PDIA6: variants seen among roughly 807,000 people sequenced by gnomAD.
PDIA6 encodes protein disulfide-isomerase A6.
A neutral mutation model predicts 58.4 loss-of-function variants in PDIA6; 29 were observed. The observed-to-expected ratio is 0.50, with a 90% CI of 0.37 to 0.68. The LOEUF (loss-of-function observed/expected upper bound fraction) is 0.68, where lower values mean the gene tolerates loss of function less well. PDIA6 is among the 30% of genes least tolerant of loss of function. The probability of loss-of-function intolerance (pLI) is 0.00; values close to 1 mark genes in which losing one functional copy is unlikely to be tolerated. For missense variants in PDIA6, 480 were observed against 551.0 expected, an observed-to-expected ratio of 0.87 and a Z score of 1.29; for synonymous variants, 192 against 202.6, an observed-to-expected ratio of 0.95 and a Z score of 0.44.
chr2:10,810,124 T>C, intron 1 of PDIA6: 1 of 657,902 alleles, frequency 1.5e-6, no homozygotes, highest in South Asian at 1.7e-5. Context: ...TGACTCTGTA[T>C]CAGGCATTTT....
At chr2:10,791,069 A>T (rs893756498) in intron 6 of PDIA6, among the ~76,000 whole-genome samples, 1 of 150,492 alleles carries the variant, frequency 6.6e-6, no homozygotes, top group Non-Finnish European at 1.5e-5. Context: ...CTGGTCTCAA[A>T]CTCCTGGCCT....
intron 1 of PDIA6, among the ~76,000 whole-genome samples, chr2:10,812,352 AC>A (rs1667032413): frequency 6.6e-6 from 1 of 151,650 alleles, no homozygotes; most frequent in South Asian, 2.1e-4. Flanking sequence ...CTCCGGGAAT[AC>A]AGACCCCCTC....
chr2:10,837,555 C>T (rs1667853243), exon 1 of PDIA6: 3 of 750,638 alleles, frequency 4.0e-6, no homozygotes, highest in African/African-American at 3.4e-5. Flanking sequence ...GTATCATCAA[C>T]TCATTTGATC....
chr2:10,806,650 A>AAAGAAAGAAAGGAAGAAAGAAAG (rs1553339954), intron 1 of PDIA6, among the ~76,000 whole-genome samples: 1 of 62,924 alleles, frequency 1.6e-5, no homozygotes, highest in Non-Finnish European at 4.5e-5. Flanking sequence ...AAGAAAGAAA[A>AAAGAAAGAAAGGAAGAAAGAAAG]ACGTTACAGT....
At chr2:10,836,511 C>T (rs1667835109), upstream of PDIA6, among the ~76,000 whole-genome samples, 1 of 150,942 alleles carries the variant, frequency 6.6e-6, no homozygotes, top group Admixed American at 6.6e-5. Flanking sequence ...CTGTGCCCGG[C>T]CTTCTGTGGT....
chr2:10,785,028 TCCCTTAGGG>T lies in PDIA6; in HGVS notation c.1158-7_1159del. The T allele has an allele frequency of 6.4e-7, 1 of 1,571,064 alleles. No individual in the cohort carries two copies. On this transcript the variant is annotated splice_acceptor_variant and splice_polypyrimidine_tract_variant and coding_sequence_variant and intron_variant, in exon 12 of 13. Coordinates refer to ENST00000272227, the MANE Select transcript of PDIA6 (RefSeq NM_005742.4). LOFTEE classifies it high-confidence loss of function. ...CGTGGAGCCACGCCCAAAAGAGAGC[TCCCTTAGGG>T]AAAAATGACCAAAACACACACACAC... is the stretch of plus-strand genomic sequence containing the variant.
rs1361616175 is a variant in PDIA6, at chr2:10,793,098, G to C, written c.451C>G (p.Gln151Glu). 2.5e-6 allele frequency: 4 copies of C among 1,606,294 alleles called. No individual in the cohort carries two copies. The East Asian group carries it at 6.7e-5, about 27-fold the overall frequency. Residue 151 changes from glutamine to glutamate, a missense_variant and splice_region_variant, in exon 5 of 13, where the codon CAA becomes GAA. Transcript: ENST00000272227. ...AAACTGACATTTTATGGTCTTACTT[G>C]TTTTCCAGAACTGTATCCTCCGCTC... ...GRSGGYSSGKQGRSDSSSKKD... is the reference protein window; with the variant it reads ...GRSGGYSSGKEGRSDSSSKKD...
chr2:10,790,737 A>G lies in PDIA6; in HGVS notation c.681T>C (p.Val227=), dbSNP rs1295954766. ...LAAVDATVNQ[V]LASRYGIRGF... ...TACTCACCCCGTATCGGGAGGCCAG[A>G]ACCTGATTGACTGTAGCATCCACAG... The change falls in exon 7 of 13, where the codon GTT becomes GTC. Residue 227 remains valine, a synonymous_variant. Transcript: ENST00000272227. 3 of 1,613,286 alleles carry G rather than the reference A, an allele frequency of 1.9e-6. No individual in the cohort carries two copies. The highest frequency in any genetic ancestry group is 2.5e-6 in the Non-Finnish European group (3 of 1,179,180).
intron 2 of PDIA6, among the ~76,000 whole-genome samples, chr2:10,818,516 TTATTTATTTATTTATTTA>T (rs1338828882): frequency 3.1e-4 from 40 of 129,954 alleles, no homozygotes; most frequent in Non-Finnish European, 4.8e-4. Context: ...ATTTATTTAT[TTATTTATTTATTTATTTA>T]TTTTGAGATG....
At chr2:10,803,893 T>C (rs1370098370) in intron 1 of PDIA6, among the ~76,000 whole-genome samples, 2 of 149,158 alleles carry the variant, frequency 1.3e-5, no homozygotes, top group Non-Finnish European at 3.0e-5. Context: ...ATGTGCGTGT[T>C]TGTGTCCTAG....
At chr2:10,814,534 C>T (rs1031552578), upstream of PDIA6, among the ~76,000 whole-genome samples, 3 of 152,208 alleles carry the variant, frequency 2.0e-5, no homozygotes, top group Non-Finnish European at 2.9e-5. Context: ...GCAATGAATG[C>T]TGTTTGTTTT....
intron 1 of PDIA6, among the ~76,000 whole-genome samples, chr2:10,803,902 A>G (rs1200074019): frequency 9.4e-6 from 1 of 106,754 alleles, no homozygotes; most frequent in Non-Finnish European, 2.2e-5. Flanking sequence ...TTTGTGTCCT[A>G]GTTTTTGTGT....
At chr2:10,818,851 T>C (rs751579582) in intron 2 of PDIA6, among the ~76,000 whole-genome samples, 3 of 152,124 alleles carry the variant, frequency 2.0e-5, no homozygotes, top group Non-Finnish European at 2.9e-5. Flanking sequence ...TACAGTTCCA[T>C]GGCATTAAAT....
intron 10 of PDIA6, 96 bp downstream of exon 10, chr2:10,788,601 T>G (rs1448271747): frequency 1.2e-6 from 1 of 826,836 alleles, no homozygotes; most frequent in Non-Finnish European, 2.1e-6. Context: ...AGAGCAAACA[T>G]AGAACACAGC....
rs754643092 is a variant in PDIA6 at position 10,803,911 on chromosome 2, G to GTTTTTTTTTTTTTTT, written c.20-1286_20-1272dup. Among the ~76,000 whole-genome samples the GTTTTTTTTTTTTTTT allele has an allele frequency of 1.2e-3, 146 of 117,896 alleles. 9 individuals carry two copies. Among genetic ancestry groups the GTTTTTTTTTTTTTTT allele is most frequent in the Non-Finnish European group, 2.0e-3 (112 of 56,564 alleles). The allele number at this position is 117,896 out of a possible 152,430, so 77.3% of individuals were successfully genotyped here. On this transcript the variant is annotated intron_variant, in intron 1 of 12. Coordinates refer to ENST00000272227, the MANE Select transcript of PDIA6 (RefSeq NM_005742.4). ...TGCGTGTTTGTGTCCTAGTTTTTGT[G>GTTTTTTTTTTTTTTT]TTTTTTTTTTTTTTTGAGACAGAGT...
At chr2:10,794,018 TG>T (rs754433069) in intron 4 of PDIA6, among the ~76,000 whole-genome samples, 2 of 152,208 alleles carry the variant, frequency 1.3e-5, no homozygotes, top group Non-Finnish European at 2.9e-5. Context: ...TAATAGTCTT[TG>T]GAAGTTCACC....
chr2:10,788,786 A>C lies in PDIA6; in HGVS notation c.926-17T>G, dbSNP rs1665899591. ...CTGCAGCTCCTGATTTAAATAGACAAAGTTTTTTAAAGGTAAAGATAAAGG... is the reference window on the plus strand; with the variant it reads ...CTGCAGCTCCTGATTTAAATAGACACAGTTTTTTAAAGGTAAAGATAAAGG... On this transcript the variant is annotated splice_polypyrimidine_tract_variant and intron_variant, in intron 9 of 12. Coordinates refer to ENST00000272227, the MANE Select transcript of PDIA6 (RefSeq NM_005742.4). The C allele has an allele frequency of 6.3e-7, 1 of 1,596,818 alleles. No individual in the cohort carries two copies. The highest frequency in any genetic ancestry group is 8.6e-7 in the Non-Finnish European group (1 of 1,164,380).
intron 1 of PDIA6, among the ~76,000 whole-genome samples, chr2:10,803,915 T>TTTTTTTTTG (rs1332547234): frequency 7.0e-6 from 1 of 143,734 alleles, no homozygotes; most frequent in Non-Finnish European, 1.5e-5. Flanking sequence ...TTTTGTGTTT[T>TTTTTTTTTG]TTTTTTTTTT....
intron 4 of PDIA6, among the ~76,000 whole-genome samples, chr2:10,794,549 G>A (rs897625307): frequency 6.7e-6 from 1 of 149,678 alleles, no homozygotes; most frequent in African/African-American, 2.5e-5. Context: ...CCAAAGTGCT[G>A]GGATTAGAGA....
Sources: gnomAD v4.1 joint callset for allele counts (sites outside exome capture counted in the v4.1 genomes callset) on GRCh38, gnomAD v4.1.1 for gene constraint, MANE v1.5 for transcripts, NCBI Gene and HGNC (gene_info 2026-07-23, HGNC 2026-07-21) for gene names.